Variants in SLC44A5 observed in about 807,000 individuals in gnomAD.
SLC44A5 encodes choline transporter-like protein 5.
Under a neutral mutation model 101.8 loss-of-function variants are expected in SLC44A5, and 57 were observed. The observed-to-expected ratio is 0.56, with a 90% CI of 0.45 to 0.70. The LOEUF is 0.70. SLC44A5 is among the 30% of genes least tolerant of loss of function. The pLI, the probability that SLC44A5 is intolerant of heterozygous loss-of-function variation, is 0.00. For synonymous variants in SLC44A5, 281 were observed against 290.9 expected, an observed-to-expected ratio of 0.97 and a Z score of 0.35; for missense variants, 737 against 853.1, an observed-to-expected ratio of 0.86 and a Z score of 1.70.
intron 23 of SLC44A5, among the ~76,000 whole-genome samples, chr1:75,208,899 G>T (rs1646799401): frequency 6.6e-6 from 1 of 152,086 alleles, no homozygotes; most frequent in Non-Finnish European, 1.5e-5. Context: ...CAAATGGTTT[G>T]CATTGTAAAA....
intron 2 of SLC44A5, among the ~76,000 whole-genome samples, chr1:75,491,081 G>A (rs1326112292): frequency 3.3e-5 from 5 of 152,012 alleles, no homozygotes; most frequent in Admixed American, 6.6e-5. Context: ...CAAAGCCATC[G>A]TAGTAACCCC....
At chr1:75,293,207 G>A (rs1244369870) in intron 5 of SLC44A5, among the ~76,000 whole-genome samples, 3 of 152,206 alleles carry the variant, frequency 2.0e-5, no homozygotes, top group Admixed American at 2.0e-4. Context: ...CACTCATATC[G>A]AGGAAATGCA....
the SLC44A5 span, among the ~76,000 whole-genome samples, chr1:75,622,589 C>T: frequency 4.9e-4 from 74 of 152,116 alleles, no homozygotes; most frequent in Middle Eastern, 6.8e-3. Flanking sequence ...AGAAATTTCA[C>T]CAAGAGAAAT....
the SLC44A5 span, among the ~76,000 whole-genome samples, chr1:75,659,205 T>G: frequency 6.6e-6 from 1 of 151,092 alleles, no homozygotes; most frequent in South Asian, 2.1e-4. Flanking sequence ...TAAAGAAAAC[T>G]AATATTGATT....
chr1:75,352,721 G>C (rs188616996), intron 3 of SLC44A5, among the ~76,000 whole-genome samples: 15 of 152,250 alleles, frequency 9.9e-5, no homozygotes, highest in Non-Finnish European at 1.8e-4. Context: ...AGTTTGGCAT[G>C]ATCTGACCCT....
At chr1:75,610,337 T>C (rs1377316249) in intron 1 of SLC44A5, among the ~76,000 whole-genome samples, 2 of 152,098 alleles carry the variant, frequency 1.3e-5, no homozygotes, top group Non-Finnish European at 1.5e-5. Context: ...GGTGACCCAA[T>C]GGACTTCACT....
At chr1:75,721,889 C>G in the SLC44A5 span, among the ~76,000 whole-genome samples, 4 of 152,150 alleles carry the variant, frequency 2.6e-5, no homozygotes, top group Non-Finnish European at 5.9e-5. Flanking sequence ...GGTTCAAAAA[C>G]AAACTATTTA....
intron 1 of SLC44A5, among the ~76,000 whole-genome samples, chr1:75,557,841 TG>T (rs1194574733): frequency 6.6e-6 from 1 of 152,164 alleles, no homozygotes; most frequent in Non-Finnish European, 1.5e-5. Flanking sequence ...TGAGTGTTAA[TG>T]GCTATTTATG....
At chr1:75,715,309 G>A in the SLC44A5 span, among the ~76,000 whole-genome samples, 1 of 152,122 alleles carries the variant, frequency 6.6e-6, no homozygotes, top group African/African-American at 2.4e-5. Context: ...TAAAATGTAT[G>A]TGAACCAAAA....
intron 2 of SLC44A5, among the ~76,000 whole-genome samples, chr1:75,436,737 G>A (rs1664911683): frequency 6.6e-6 from 1 of 152,006 alleles, no homozygotes. Context: ...TATTTTAAAT[G>A]TTTTGACTAT....
intron 4 of SLC44A5, among the ~76,000 whole-genome samples, chr1:75,312,760 GTGAC>G (rs1655407586): frequency 6.6e-6 from 1 of 151,668 alleles, no homozygotes; most frequent in Non-Finnish European, 1.5e-5. Flanking sequence ...GTACAATTAA[GTGAC>G]TGAATAGCCC....
intron 6 of SLC44A5, among the ~76,000 whole-genome samples, chr1:75,272,436 T>A (rs1651563440): frequency 6.6e-6 from 1 of 151,998 alleles, no homozygotes; most frequent in Admixed American, 6.6e-5. Context: ...GTTGCTTTGC[T>A]TTTGGATCTT....
the SLC44A5 span, among the ~76,000 whole-genome samples, chr1:75,625,889 C>G: frequency 6.6e-6 from 1 of 152,068 alleles, no homozygotes; most frequent in Non-Finnish European, 1.5e-5. Context: ...AACTGGTGCA[C>G]CAGGTGGGTC....
chr1:75,550,248 T>A (rs1214342090), intron 1 of SLC44A5, among the ~76,000 whole-genome samples: 1 of 152,034 alleles, frequency 6.6e-6, no homozygotes, highest in Admixed American at 6.6e-5. Flanking sequence ...GGAATGAACA[T>A]CATGGGTTAA....
chr1:75,400,311 A>G (rs1212499676), intron 2 of SLC44A5, among the ~76,000 whole-genome samples: 4 of 152,094 alleles, frequency 2.6e-5, no homozygotes, highest in Non-Finnish European at 4.4e-5. Context: ...CACATAACAA[A>G]CCTGCACATG....
chr1:75,616,071 G>A (rs958529357), upstream of SLC44A5, among the ~76,000 whole-genome samples: 4 of 151,786 alleles, frequency 2.6e-5, no homozygotes, highest in Admixed American at 1.3e-4. Context: ...GGCGGGCGCC[G>A]CCGCCCCTCT....
intron 10 of SLC44A5, among the ~76,000 whole-genome samples, chr1:75,237,939 CAT>C (rs962666121): frequency 8.6e-5 from 13 of 151,964 alleles, no homozygotes; most frequent in Admixed American, 5.9e-4. Flanking sequence ...TGTTTGTGCA[CAT>C]GTGTGTATGC....
In SLC44A5 at chr1:75,506,907, C is replaced by CTTTTTTT. The variant is rs61554987; in HGVS notation, c.13+34521_13+34527dup. On this transcript the variant is annotated intron_variant, in intron 2 of 23. Transcript: ENST00000370859. The stretch of plus-strand genomic sequence containing the variant: ...TCCTTGTCTGGTTCCTATTCCTATT[C>CTTTTTTT]TTTTTTTTTTTTTTTTTTTTTTTTT... Among the ~76,000 whole-genome samples the CTTTTTTT allele has an allele frequency of 7.2e-3, 498 of 68,798 alleles. 6 individuals carry two copies. The highest frequency in any genetic ancestry group is 9.1e-3 in the African/African-American group (152 of 16,756). The allele number at this position is 68,798 out of a possible 152,430, so 45.1% of individuals were successfully genotyped here.
intron 4 of SLC44A5, among the ~76,000 whole-genome samples, chr1:75,319,451 T>C (rs1655969123): frequency 6.6e-6 from 1 of 152,188 alleles, no homozygotes; most frequent in African/African-American, 2.4e-5. Flanking sequence ...TTCCCAGAAG[T>C]GATACTGAAA....
Sources: gnomAD v4.1 joint callset for allele counts (sites outside exome capture counted in the v4.1 genomes callset) on GRCh38, gnomAD v4.1.1 for gene constraint, MANE v1.5 for transcripts, NCBI Gene and HGNC (gene_info 2026-07-23, HGNC 2026-07-21) for gene names.